Variants in GPR39 observed in about 807,000 individuals in gnomAD.
GPR39 encodes the protein G protein-coupled receptor 39.
GPR39 carries 23 observed loss-of-function variants against 18.4 expected under a neutral mutation model. The observed-to-expected ratio is 1.25, with a 90% CI of 0.90 to 1.77. The LOEUF (loss-of-function observed/expected upper bound fraction) is 1.77, where lower values mean the gene tolerates loss of function less well. GPR39 is among the 40% of genes most tolerant of loss of function. GPR39 has a pLI of 0.00. For synonymous variants in GPR39, 280 were observed against 257.9 expected (o/e 1.09, Z -0.82); for missense variants, 647 against 602.4 (o/e 1.07, Z -0.78).
chr2:132,555,472 C>T (rs1271684950), intron 1 of GPR39, among the ~76,000 whole-genome samples: 1 of 152,144 alleles, frequency 6.6e-6, no homozygotes, highest in East Asian at 1.9e-4. Flanking sequence ...ATGGTGCACT[C>T]ACGCAACTGG....
At chr2:132,505,791 CCATT>C (rs1302692990) in intron 1 of GPR39, among the ~76,000 whole-genome samples, 1 of 152,160 alleles carries the variant, frequency 6.6e-6, no homozygotes, top group African/African-American at 2.4e-5. Flanking sequence ...TTTTAAAAAT[CCATT>C]CATCCATTGG....
At position 132,417,080 on chromosome 2, in the gene GPR39, A is replaced by C. The variant is rs1474562224; in HGVS notation, c.38A>C (p.Gln13Pro). 1.2e-6 allele frequency: 2 copies of C among 1,613,994 alleles called. No individual in the cohort carries two copies. Among genetic ancestry groups the C allele is most frequent in the Non-Finnish European group, 1.7e-6 (2 of 1,180,030 alleles). ...SPSLPGSDCS[Q>P]IIDHSHVPEF... ...AGCCTCCCGGGCAGTGACTGCTCCC[A>C]AATCATTGATCACAGTCATGTCCCC... The change falls in exon 1 of 2, where the codon CAA (glutamine) becomes CCA (proline). Residue 13 changes from glutamine (Q) to proline (P), a missense_variant. Transcript: ENST00000329321.
rs573689255 is a variant in GPR39 at position 132,549,776 on chromosome 2, G to A, written c.857-95325G>A. Among the ~76,000 whole-genome samples, 5 of 151,926 alleles carry A rather than the reference G, an allele frequency of 3.3e-5. No homozygotes were observed. In the South Asian group the frequency reaches 8.3e-4, roughly 25 times the overall value. ...GCATTCTAATCCGGTGACAGAGCACGACTCCGTCTCAAAAAAAAAAGAGCT... is the reference window on the plus strand; with the variant it reads ...GCATTCTAATCCGGTGACAGAGCACAACTCCGTCTCAAAAAAAAAAGAGCT... On this transcript the variant is annotated intron_variant, in intron 1 of 1. Transcript: ENST00000329321.
chr2:132,611,096 G>C (rs1259340837), intron 1 of GPR39, among the ~76,000 whole-genome samples: 2 of 152,164 alleles, frequency 1.3e-5, no homozygotes, highest in Admixed American at 1.3e-4. Context: ...TGCACAATCT[G>C]CAGAATTTTG....
chr2:132,428,222 C>T (rs954181819), intron 1 of GPR39, among the ~76,000 whole-genome samples: 6 of 152,044 alleles, frequency 3.9e-5, no homozygotes, highest in African/African-American at 1.4e-4. Flanking sequence ...TTACCCTTCT[C>T]TCATTATTCC....
chr2:132,610,774 C>T (rs1481256558), intron 1 of GPR39, among the ~76,000 whole-genome samples: 1 of 70,352 alleles, frequency 1.4e-5, no homozygotes, highest in Non-Finnish European at 2.3e-5. Flanking sequence ...GAGACTCTGT[C>T]TCCAAAAAAA....
intron 1 of GPR39, among the ~76,000 whole-genome samples, chr2:132,615,365 G>A (rs758833492): frequency 8.5e-5 from 13 of 152,232 alleles, no homozygotes; most frequent in East Asian, 3.9e-4. Flanking sequence ...GCCCACCCCC[G>A]CTTTGGTGTT....
At chr2:132,451,101 G>C (rs966692797) in intron 1 of GPR39, among the ~76,000 whole-genome samples, 1 of 152,046 alleles carries the variant, frequency 6.6e-6, no homozygotes, top group Non-Finnish European at 1.5e-5. Context: ...GCATGGGGCT[G>C]TGGGAAGCTC....
At chr2:132,461,319 G>A (rs1011222946) in intron 1 of GPR39, among the ~76,000 whole-genome samples, 7 of 152,036 alleles carry the variant, frequency 4.6e-5, no homozygotes, top group Non-Finnish European at 1.0e-4. Context: ...TGTTACCACC[G>A]GCAGTTTTTT....
chr2:132,499,820 T>G (rs1678979479), intron 1 of GPR39, among the ~76,000 whole-genome samples: 1 of 152,038 alleles, frequency 6.6e-6, no homozygotes, highest in South Asian at 2.1e-4. Context: ...TGTATTGTAT[T>G]TATTTATTTA....
intron 1 of GPR39, among the ~76,000 whole-genome samples, chr2:132,625,889 T>C (rs1201151204): frequency 6.6e-6 from 1 of 152,054 alleles, no homozygotes; most frequent in Non-Finnish European, 1.5e-5. Flanking sequence ...ATCACAAGGT[T>C]GGGAGATCGA....
Position 132,485,872 on chromosome 2 carries a change from A to G in GPR39, c.856+67974A>G, listed in dbSNP as rs371591373. Among the ~76,000 whole-genome samples, 14 of 152,310 alleles carry G rather than the reference A, an allele frequency of 9.2e-5. No individual in the cohort carries two copies. The East Asian group carries it at 2.1e-3, about 23-fold the overall frequency. On this transcript the variant is annotated intron_variant, in intron 1 of 1. Coordinates refer to ENST00000329321, the MANE Select transcript of GPR39 (RefSeq NM_001508.3). ...TGACCTCCTCCCATGAATCATAAAT[A>G]TTTTTAACGGTATCTAGAATGGGGA...
At chr2:132,543,304 A>G (rs1289691132) in intron 1 of GPR39, among the ~76,000 whole-genome samples, 17 of 152,040 alleles carry the variant, frequency 1.1e-4, no homozygotes, top group Non-Finnish European at 2.9e-5. Flanking sequence ...TTAGACTGAG[A>G]CACTCCATAT....
At chr2:132,555,742 C>G (rs1298257711) in intron 1 of GPR39, among the ~76,000 whole-genome samples, 1 of 152,108 alleles carries the variant, frequency 6.6e-6, no homozygotes, top group Non-Finnish European at 1.5e-5. Flanking sequence ...TGGAGGCCAA[C>G]TTCAAGGCTG....
At chr2:132,614,182 T>G (rs913010214) in intron 1 of GPR39, among the ~76,000 whole-genome samples, 10 of 151,914 alleles carry the variant, frequency 6.6e-5, no homozygotes, top group African/African-American at 1.9e-4. Flanking sequence ...GCTTGCTTTT[T>G]TTTTTGTTTT....
intron 1 of GPR39, among the ~76,000 whole-genome samples, chr2:132,560,040 A>G (rs1573667261): frequency 6.6e-6 from 1 of 152,070 alleles, no homozygotes; most frequent in South Asian, 2.1e-4. Context: ...GCATACTGGT[A>G]ATAGCATCCA....
intron 1 of GPR39, among the ~76,000 whole-genome samples, chr2:132,434,271 G>T (rs1242347169): frequency 6.6e-6 from 1 of 152,120 alleles, no homozygotes; most frequent in East Asian, 1.9e-4. Flanking sequence ...TTATAATCAG[G>T]AACTCCTTTA....
At chr2:132,525,392 A>T (rs1416429611) in intron 1 of GPR39, among the ~76,000 whole-genome samples, 2 of 152,174 alleles carry the variant, frequency 1.3e-5, no homozygotes, top group Non-Finnish European at 2.9e-5. Flanking sequence ...TGATCATGCG[A>T]GGGATTTTAT....
rs747443171 is a variant in GPR39, at chr2:132,546,386, A to G, written c.857-98715A>G. Reference sequence around the variant, plus strand: ...GCTATAGTAGGGACAAGAACTGGACAGATCGGGGGATAGGCAGAGGAACTC... The same window carrying G: ...GCTATAGTAGGGACAAGAACTGGACGGATCGGGGGATAGGCAGAGGAACTC... On this transcript the variant is annotated intron_variant, in intron 1 of 1. Coordinates refer to ENST00000329321, the MANE Select transcript of GPR39 (RefSeq NM_001508.3). Among the ~76,000 whole-genome samples the G allele has an allele frequency of 2.6e-5, 4 of 152,326 alleles. No individual in the cohort carries two copies. In the South Asian group the frequency reaches 8.3e-4, roughly 32 times the overall value.
Sources: gnomAD v4.1 joint callset for allele counts (sites outside exome capture counted in the v4.1 genomes callset) on GRCh38, gnomAD v4.1.1 for gene constraint, MANE v1.5 for transcripts, NCBI Gene and HGNC (gene_info 2026-07-23, HGNC 2026-07-21) for gene names.